The following MEGF11 variants were observed in gnomAD, a reference collection of about 807,000 sequenced individuals.
MEGF11 encodes multiple EGF like domains 11.
MEGF11 carries 126 observed loss-of-function variants against 146.6 expected under a neutral mutation model. The ratio of observed to expected loss-of-function variants is 0.86; its 90% confidence interval spans 0.74 to 1.00. MEGF11 has a LOEUF of 1.00. Ranked by LOEUF, MEGF11 falls within the 50% of genes least tolerant of loss-of-function variation. The pLI, the probability that MEGF11 is intolerant of heterozygous loss-of-function variation, is 0.00. For synonymous variants in MEGF11, 532 were observed against 583.4 expected (o/e 0.91, Z 1.27); for missense variants, 1,509 against 1,521.2 (o/e 0.99, Z 0.13).
intron 5 of MEGF11, among the ~76,000 whole-genome samples, chr15:66,089,166 T>G (rs1485358422): frequency 6.6e-6 from 1 of 152,128 alleles, no homozygotes; most frequent in Non-Finnish European, 1.5e-5. Context: ...CGGCCTGGGG[T>G]CCCACACACC....
intron 10 of MEGF11, among the ~76,000 whole-genome samples, chr15:65,937,381 A>T (rs2079827609): frequency 6.6e-6 from 1 of 152,174 alleles, no homozygotes; most frequent in Non-Finnish European, 1.5e-5. Flanking sequence ...AAGGTCCTTT[A>T]TTGAGGTTGT....
chr15:66,007,519 G>A (rs1347464185), intron 5 of MEGF11, among the ~76,000 whole-genome samples: 2 of 152,212 alleles, frequency 1.3e-5, no homozygotes, highest in Non-Finnish European at 2.9e-5. Flanking sequence ...GGAGGCTGAG[G>A]TGGGTGGATC....
intron 5 of MEGF11, among the ~76,000 whole-genome samples, chr15:65,994,947 CT>C (rs1426060387): frequency 6.6e-6 from 1 of 152,200 alleles, no homozygotes; most frequent in African/African-American, 2.4e-5. Flanking sequence ...CTGGGTGGGG[CT>C]TAAGTGCAGC....
intron 4 of MEGF11, among the ~76,000 whole-genome samples, chr15:66,095,440 TTTG>T (rs950239534): frequency 2.0e-5 from 3 of 152,176 alleles, no homozygotes; most frequent in African/African-American, 7.2e-5. Context: ...TAGATGGTTT[TTTG>T]TTTTGTTTTG....
At chr15:66,131,822 C>G (rs1392839301) in intron 1 of MEGF11, among the ~76,000 whole-genome samples, 2 of 152,206 alleles carry the variant, frequency 1.3e-5, no homozygotes, top group Admixed American at 6.5e-5. Context: ...CTTTTTATTT[C>G]ACCCAATATT....
chr15:66,117,490 C>T (rs2140901108), intron 4 of MEGF11, among the ~76,000 whole-genome samples: 1 of 152,266 alleles, frequency 6.6e-6, no homozygotes, highest in East Asian at 1.9e-4. Context: ...CTTCATTTTC[C>T]AAGAGCTTTG....
intron 13 of MEGF11, among the ~76,000 whole-genome samples, chr15:65,924,387 A>G (rs1469636641): frequency 2.7e-5 from 4 of 147,100 alleles, no homozygotes; most frequent in South Asian, 2.2e-4. Context: ...GGGGGGGGCA[A>G]GTGGTTTCCT....
intron 2 of MEGF11, among the ~76,000 whole-genome samples, chr15:66,124,974 G>A (rs1299188056): frequency 2.6e-5 from 4 of 152,214 alleles, no homozygotes; most frequent in Non-Finnish European, 5.9e-5. Context: ...CACTGACCTG[G>A]GCCAGATGGC....
intron 1 of MEGF11, among the ~76,000 whole-genome samples, chr15:66,233,267 G>C (rs966492831): frequency 2.6e-5 from 4 of 152,170 alleles, no homozygotes; most frequent in African/African-American, 9.7e-5. Flanking sequence ...ACAGAGTGTA[G>C]CTTTGTCGCC....
In MEGF11 at chr15:66,108,012, C is replaced by T. The variant is rs140315860; in HGVS notation, c.301+11074G>A. Among the ~76,000 whole-genome samples the T allele has an allele frequency of 1.1e-4, 16 of 152,264 alleles. No individual in the cohort carries two copies. The East Asian group carries it at 3.1e-3, about 29-fold the overall frequency. On this transcript the variant is annotated intron_variant, in intron 4 of 25. Transcript: ENST00000395614. ...GGGGCTCCCAGAGAATGTTAGGCTC[C>T]ACACTGAGTTTTCAAGGACCAGTAT...
chr15:65,922,069 T>G, intron 15 of MEGF11: 1 of 501,660 alleles, frequency 2.0e-6, no homozygotes, highest in Non-Finnish European at 3.6e-6. Context: ...CCCTTCAGCA[T>G]GCATGTCGGA....
chr15:65,966,424 G>A (rs28495830), intron 8 of MEGF11, among the ~76,000 whole-genome samples: 32,905 of 152,198 alleles, frequency 0.22, 3,782 homozygotes, highest in Non-Finnish European at 0.25. Context: ...GGCACCTTAG[G>A]TTTGATGAAA....
chr15:65,935,931 C>A (rs1194920975), intron 10 of MEGF11, among the ~76,000 whole-genome samples: 1 of 152,184 alleles, frequency 6.6e-6, no homozygotes, highest in African/African-American at 2.4e-5. Context: ...ATGTTCATAG[C>A]AAGCCAATCA....
rs1016602510 is a variant in MEGF11 at position 65,896,258 on chromosome 15, A to G, written c.*1676T>C. 1 of 152,698 alleles carries G rather than the reference A, an allele frequency of 6.5e-6. No homozygotes were observed. The highest frequency in any genetic ancestry group is 1.5e-5 in the Non-Finnish European group (1 of 68,054). The allele number at this position is 152,698 out of a possible 1,614,324, so 9.5% of individuals were successfully genotyped here. A position where few individuals can be genotyped will look rare whatever the true frequency, so the allele number is the denominator to read the frequency against. On this transcript the variant is annotated 3_prime_UTR_variant, in exon 26 of 26. Coordinates refer to ENST00000395614, the MANE Select transcript of MEGF11 (RefSeq NM_001385028.1). ...GCTACTCAGTTGCTCCCATGCACAC[A>G]TGCAACATTCATGTAAGTATTACAT...
intron 5 of MEGF11, among the ~76,000 whole-genome samples, chr15:66,057,013 T>C (rs1217667305): frequency 6.6e-6 from 1 of 152,226 alleles, no homozygotes; most frequent in Non-Finnish European, 1.5e-5. Flanking sequence ...GCCCCTTCCA[T>C]TCAATGCTGC....
intron 1 of MEGF11, among the ~76,000 whole-genome samples, chr15:66,177,542 C>G (rs184610198): frequency 6.6e-5 from 10 of 152,194 alleles, no homozygotes; most frequent in African/African-American, 2.2e-4. Context: ...GGGAACGGCA[C>G]ATTTTAAATT....
At chr15:65,983,120 A>G (rs1171773125) in intron 5 of MEGF11, among the ~76,000 whole-genome samples, 4 of 151,584 alleles carry the variant, frequency 2.6e-5, no homozygotes, top group Admixed American at 6.6e-5. Context: ...TCTCTTCCTC[A>G]TGCTTCTTCC....
chr15:66,193,175 T>G (rs760115719), intron 1 of MEGF11, among the ~76,000 whole-genome samples: 64 of 152,334 alleles, frequency 4.2e-4, no homozygotes, highest in Admixed American at 2.7e-3. Context: ...GTACTTCTAG[T>G]TATGGAAAAA....
In MEGF11 at chr15:65,915,579, A is replaced by C. The variant is rs2078968049; in HGVS notation, c.2364T>G (p.Phe788Leu). The change falls in exon 19 of 26, where the codon TTT becomes TTG. Residue 788 changes from phenylalanine to leucine, a missense_variant. Coordinates refer to ENST00000395614, the MANE Select transcript of MEGF11 (RefSeq NM_001385028.1). Reference sequence around the variant, plus strand: ...CACATAGCTGCTGACACCCATAGCCAAAGGTTCCTGGGGCACATCCTGTGT... The same window carrying C: ...CACATAGCTGCTGACACCCATAGCCCAAGGTTCCTGGGGCACATCCTGTGT... ...HCEQRCAPGT[F>L]GYGCQQLCEC... 2 of 1,613,950 alleles carry C rather than the reference A, an allele frequency of 1.2e-6. No homozygotes were observed. The highest frequency in any genetic ancestry group is 1.7e-6 in the Non-Finnish European group (2 of 1,179,858).
Sources: allele counts gnomAD v4.1 joint callset (sites outside exome capture counted in the v4.1 genomes callset), GRCh38; gene constraint gnomAD v4.1.1; transcripts MANE v1.5; gene names NCBI Gene and HGNC (gene_info 2026-07-23, HGNC 2026-07-21).